The following NAALADL2 variants were observed in gnomAD, a reference collection of about 807,000 sequenced individuals.
NAALADL2 encodes the protein inactive N-acetylated-alpha-linked acidic dipeptidase-like protein 2.
A neutral mutation model predicts 87.2 loss-of-function variants in NAALADL2; 76 were observed. That is an observed-to-expected ratio of 0.87 (90% confidence interval 0.72 to 1.05). The LOEUF is 1.05. NAALADL2 is among the 50% of genes least tolerant of loss of function. The pLI is 0.00. For missense variants in NAALADL2, 1,089 were observed against 945.8 expected, an observed-to-expected ratio of 1.15 and a Z score of -1.99; for synonymous variants, 354 against 331.0, an observed-to-expected ratio of 1.07 and a Z score of -0.75.
chr3:175,551,852 G>T (rs1392044966), intron 9 of NAALADL2, among the ~76,000 whole-genome samples: 1 of 151,128 alleles, frequency 6.6e-6, no homozygotes, highest in East Asian at 1.9e-4. Context: ...GAACCTGGGA[G>T]GTGGAGCTTG....
chr3:175,133,499 C>T (rs1253865466), intron 2 of NAALADL2, among the ~76,000 whole-genome samples: 1 of 152,242 alleles, frequency 6.6e-6, no homozygotes, highest in Non-Finnish European at 1.5e-5. Flanking sequence ...GCTGGCGGAT[C>T]ACTCGCAGCT....
chr3:174,826,117 A>G (rs574636147), intron 3 of NAALADL2, among the ~76,000 whole-genome samples: 4 of 152,346 alleles, frequency 2.6e-5, no homozygotes, highest in African/African-American at 4.8e-5. Flanking sequence ...ATCTTTTGAC[A>G]TCTCTTTAGT....
chr3:174,616,370 T>G (rs1720458858), intron 2 of NAALADL2, among the ~76,000 whole-genome samples: 1 of 151,968 alleles, frequency 6.6e-6, no homozygotes, highest in African/African-American at 2.4e-5. Flanking sequence ...TATACCTTAT[T>G]GTAATTTTAG....
At chr3:174,787,604 T>TATATATATATATATATATATATACACAC (rs1268295230) in intron 3 of NAALADL2, among the ~76,000 whole-genome samples, 4 of 87,936 alleles carry the variant, frequency 4.5e-5, no homozygotes, top group East Asian at 5.2e-4. Flanking sequence ...TATATATATA[T>TATATATATATATATATATATATACACAC]ATATATATAT....
Position 175,181,444 on chromosome 3 carries a change from G to C in NAALADL2, c.546-52487G>C, listed in dbSNP as rs1463603915. On this transcript the variant is annotated intron_variant, in intron 2 of 13. Coordinates refer to ENST00000454872, the MANE Select transcript of NAALADL2 (RefSeq NM_207015.3). The stretch of plus-strand genomic sequence containing the variant: ...ATTCCTCTTGTGTAACTGAAACTTT[G>C]CACCCTTTGATCGACATCTCCCAAT... Among the ~76,000 whole-genome samples the C allele has an allele frequency of 3.3e-5, 5 of 151,402 alleles. No homozygotes were observed. In the Admixed American group the frequency reaches 3.3e-4, roughly 10 times the overall value.
chr3:174,666,112 C>T (rs1054459897), intron 2 of NAALADL2, among the ~76,000 whole-genome samples: 1 of 151,970 alleles, frequency 6.6e-6, no homozygotes, highest in African/African-American at 2.4e-5. Flanking sequence ...TAGTTTATTC[C>T]ATGTCTATAA....
intron 11 of NAALADL2, among the ~76,000 whole-genome samples, chr3:175,670,096 A>T (rs1003961768): frequency 1.3e-5 from 2 of 151,962 alleles, no homozygotes; most frequent in Non-Finnish European, 2.9e-5. Context: ...ATGAAGTGAG[A>T]TCTATTATTA....
At chr3:174,914,329 C>T (rs1438157357) in intron 1 of NAALADL2, among the ~76,000 whole-genome samples, 1 of 152,036 alleles carries the variant, frequency 6.6e-6, no homozygotes. Context: ...TCCCAAAGTG[C>T]TAGGATTACA....
chr3:175,052,160 C>T (rs1019428049), intron 1 of NAALADL2, among the ~76,000 whole-genome samples: 2 of 152,216 alleles, frequency 1.3e-5, no homozygotes, highest in African/African-American at 4.8e-5. Context: ...TTATCTGCAG[C>T]AGGAGCATGT....
chr3:174,641,764 T>A (rs1281797176), intron 2 of NAALADL2, among the ~76,000 whole-genome samples: 5 of 152,150 alleles, frequency 3.3e-5, no homozygotes, highest in Admixed American at 3.3e-4. Context: ...TTCAGAAATT[T>A]TTTTTTGTAG....
chr3:175,069,884 T>C (rs898285399), intron 1 of NAALADL2, among the ~76,000 whole-genome samples: 2 of 148,582 alleles, frequency 1.3e-5, no homozygotes, highest in Admixed American at 1.4e-4. Flanking sequence ...AAATTGGAAA[T>C]CATCATTCTC....
At chr3:175,297,467 G>A (rs1241822020) in intron 4 of NAALADL2, among the ~76,000 whole-genome samples, 2 of 152,108 alleles carry the variant, frequency 1.3e-5, no homozygotes, top group African/African-American at 4.8e-5. Context: ...TTGTAGAAAA[G>A]CATTTATGAA....
At chr3:174,481,760 C>G (rs1717568324) in intron 1 of NAALADL2, among the ~76,000 whole-genome samples, 1 of 152,102 alleles carries the variant, frequency 6.6e-6, no homozygotes, top group Non-Finnish European at 1.5e-5. Context: ...GAGTCTTCCA[C>G]TAGTGAAGTC....
chr3:175,316,509 C>A (rs948721163), intron 4 of NAALADL2, among the ~76,000 whole-genome samples: 1 of 152,118 alleles, frequency 6.6e-6, no homozygotes, highest in Non-Finnish European at 1.5e-5. Flanking sequence ...GTCAGGAAAT[C>A]TTGGCGTAAG....
intron 2 of NAALADL2, among the ~76,000 whole-genome samples, chr3:174,585,388 GAAAA>G (rs199784963): frequency 6.6e-6 from 1 of 151,780 alleles, no homozygotes; most frequent in Admixed American, 6.6e-5. Flanking sequence ...TAACCTTAAA[GAAAA>G]AAAATAGTTA....
At chr3:174,564,115 A>G (rs1713952932) in intron 2 of NAALADL2, among the ~76,000 whole-genome samples, 1 of 152,174 alleles carries the variant, frequency 6.6e-6, no homozygotes, top group African/African-American at 2.4e-5. Context: ...AATGGAGTTC[A>G]TATAAGATTC....
intron 2 of NAALADL2, among the ~76,000 whole-genome samples, chr3:174,730,942 A>G (rs1732644688): frequency 6.6e-6 from 1 of 152,124 alleles, no homozygotes; most frequent in African/African-American, 2.4e-5. Flanking sequence ...AATTTATCGT[A>G]AGTTTGAACA....
intron 2 of NAALADL2, among the ~76,000 whole-genome samples, chr3:175,175,318 T>C (rs570525924): frequency 2.0e-5 from 3 of 152,160 alleles, no homozygotes; most frequent in African/African-American, 7.2e-5. Context: ...TTTTAAAAAA[T>C]TCCAACATAG....
At chr3:175,586,131 C>T (rs73171406) in intron 10 of NAALADL2, among the ~76,000 whole-genome samples, 19,777 of 152,056 alleles carry the variant, frequency 0.13, 1,415 homozygotes, top group Middle Eastern at 0.18. Flanking sequence ...ACGCCCTGTT[C>T]TTGAATCTCC....
Sources: gnomAD v4.1 joint callset for allele counts (sites outside exome capture counted in the v4.1 genomes callset) on GRCh38, gnomAD v4.1.1 for gene constraint, MANE v1.5 for transcripts, NCBI Gene and HGNC (gene_info 2026-07-23, HGNC 2026-07-21) for gene names.